PLEKHG1: variants seen among roughly 807,000 people sequenced by gnomAD.
The protein encoded by PLEKHG1 is pleckstrin homology and RhoGEF domain containing G1.
In PLEKHG1, 44 loss-of-function variants were observed where a neutral mutation model predicts 100.8. That is an observed-to-expected ratio of 0.44 (90% CI 0.34 to 0.56). The LOEUF is 0.56. Among genes scored for constraint, PLEKHG1 ranks in the 20% least tolerant of loss-of-function variants. PLEKHG1 has a pLI of 0.01. For missense variants in PLEKHG1, 1,545 were observed against 1,720.9 expected, an observed-to-expected ratio of 0.90 and a Z score of 1.81; for synonymous variants, 640 against 662.5, an observed-to-expected ratio of 0.97 and a Z score of 0.52.
chr6:150,768,596 A>T (rs368783746), intron 2 of PLEKHG1, 42 bp from the exon 4 acceptor site: 26 of 1,018,408 alleles, frequency 2.6e-5, no homozygotes, highest in Non-Finnish European at 3.9e-5. Flanking sequence ...TGACTTGGAA[A>T]GGACAGGAGT....
rs191739571 is a variant in PLEKHG1 at position 150,827,398 on chromosome 6, C to T, written c.1471-3184C>T. 2.8e-3 allele frequency among the ~76,000 whole-genome samples: 433 copies of T among 152,164 alleles called. 4 individuals are homozygous for T. The highest frequency in any genetic ancestry group is 9.7e-3 in the African/African-American group (404 of 41,516). ...GTTCAAGCGGTTCTCCTGCCTCAGC[C>T]TCCCAAGTAGCTGGGATTACAGGCA... On this transcript the variant is annotated intron_variant, in intron 14 of 15. Transcript: ENST00000358517.
In PLEKHG1 at chr6:150,701,417, T is replaced by TTTTATATA. The variant is rs1261404373; in HGVS notation, c.-98-32166_-98-32165insTTATATAT. Among the ~76,000 whole-genome samples the TTTTATATA allele has an allele frequency of 7.4e-4, 23 of 31,160 alleles. 1 individual carries two copies. Among genetic ancestry groups the TTTTATATA allele is most frequent in the South Asian group, 1.2e-3 (1 of 812 alleles). 20.4% of individuals were successfully genotyped at this position (31,160 alleles called of 152,430 possible). ...TTTGTAAAGAATAAGCAGTAATTCT[T>TTTTATATA]TATATATATATATATATATATATAT... is the stretch of plus-strand genomic sequence containing the variant. On this transcript the variant is annotated intron_variant, in intron 3 of 3. Coordinates refer to the PLEKHG1 transcript ENST00000367326.
chr6:150,724,932 A>C (rs753694263), intron 1 of PLEKHG1, among the ~76,000 whole-genome samples: 1 of 152,150 alleles, frequency 6.6e-6, no homozygotes, highest in African/African-American at 2.4e-5. Flanking sequence ...AATTTATCTA[A>C]TGCATTAGCT....
At chr6:150,720,513 A>T (rs907809158), upstream of PLEKHG1, among the ~76,000 whole-genome samples, 1 of 152,178 alleles carries the variant, frequency 6.6e-6, no homozygotes, top group Non-Finnish European at 1.5e-5. Context: ...GTCAGCCTTA[A>T]ATGTTTTCTC....
rs528751044 is a variant in PLEKHG1, at chr6:150,699,883, G to A, written c.-98-33701G>A. On this transcript the variant is annotated intron_variant, in intron 3 of 3. Transcript: ENST00000367326. Reference sequence around the variant, plus strand: ...AATTGTCTGATCGTCCTTCCCTTCTGAGGATAAAGACTGGCAATTATCCAT... The same window carrying A: ...AATTGTCTGATCGTCCTTCCCTTCTAAGGATAAAGACTGGCAATTATCCAT... 3.9e-5 allele frequency among the ~76,000 whole-genome samples: 6 copies of A among 152,254 alleles called. No individual in the cohort carries two copies. In the South Asian group the frequency reaches 8.3e-4, roughly 21 times the overall value.
intron 1 of PLEKHG1, among the ~76,000 whole-genome samples, chr6:150,621,829 T>G (rs1422405233): frequency 6.6e-6 from 1 of 152,216 alleles, no homozygotes; most frequent in African/African-American, 2.4e-5. Context: ...CTGTCATCAT[T>G]TGTGCTACAC....
At chr6:150,693,089 A>C (rs1780405364) in intron 3 of PLEKHG1, among the ~76,000 whole-genome samples, 1 of 152,122 alleles carries the variant, frequency 6.6e-6, no homozygotes, top group African/African-American at 2.4e-5. Flanking sequence ...GGAGTTCGAA[A>C]CCAGCCTGGC....
chr6:150,614,141 C>T (rs766150632), intron 1 of PLEKHG1, among the ~76,000 whole-genome samples: 1 of 152,158 alleles, frequency 6.6e-6, no homozygotes, highest in Non-Finnish European at 1.5e-5. Context: ...TAAAAGAAAA[C>T]CTACTTGACT....
intron 3 of PLEKHG1, among the ~76,000 whole-genome samples, chr6:150,678,739 A>C (rs1369121558): frequency 6.6e-6 from 1 of 152,230 alleles, no homozygotes; most frequent in Admixed American, 6.5e-5. Context: ...CAAATAACAA[A>C]GGCTTTGCTA....
At chr6:150,627,109 C>T (rs986553349) in intron 1 of PLEKHG1, among the ~76,000 whole-genome samples, 1 of 152,128 alleles carries the variant, frequency 6.6e-6, no homozygotes, top group African/African-American at 2.4e-5. Context: ...TGTGATACAA[C>T]AAGTTAAATC....
Position 150,740,773 on chromosome 6 carries a change from G to A in PLEKHG1, c.411+6681G>A, listed in dbSNP as rs545981908. 3.0e-4 allele frequency among the ~76,000 whole-genome samples: 45 copies of A among 152,210 alleles called. 1 individual carries two copies. The highest frequency in any genetic ancestry group is 1.0e-3 in the African/African-American group (42 of 41,532). On this transcript the variant is annotated intron_variant, in intron 2 of 15. Coordinates refer to ENST00000358517, the Ensembl canonical transcript of PLEKHG1. ...TTTTTTTCCTCCAAGGGATTTTATC[G>A]TAACGGGTGAATGAGATCTTTCTTA... is the stretch of plus-strand genomic sequence containing the variant.
chr6:150,726,096 G>A (rs879521371), intron 1 of PLEKHG1, among the ~76,000 whole-genome samples: 17 of 152,150 alleles, frequency 1.1e-4, no homozygotes, highest in African/African-American at 3.9e-4. Flanking sequence ...CTAGAGTGGT[G>A]CTTGCCAGGG....
chr6:150,740,233 A>G (rs919820380), intron 2 of PLEKHG1, among the ~76,000 whole-genome samples: 1 of 152,216 alleles, frequency 6.6e-6, no homozygotes, highest in Non-Finnish European at 1.5e-5. Flanking sequence ...AGTACTGTCA[A>G]GTGTGGAGGT....
At chr6:150,795,654 G>A (rs781022786) in intron 4 of PLEKHG1, among the ~76,000 whole-genome samples, 8 of 151,198 alleles carry the variant, frequency 5.3e-5, no homozygotes, top group African/African-American at 9.7e-5. Flanking sequence ...CCGGGGAGGC[G>A]GAGGTTGCAG....
Position 150,639,152 on chromosome 6 carries a change from G to A in PLEKHG1, c.-158+1027G>A, listed in dbSNP as rs573292840. On this transcript the variant is annotated intron_variant, in intron 2 of 3. Transcript: ENST00000367326. ...ATTTTCACTGTTGCTGCTGAGAACC[G>A]CTTGGCCCCAATCTCTGAGTACAGT... 3.3e-5 allele frequency among the ~76,000 whole-genome samples: 5 copies of A among 152,206 alleles called. No homozygotes were observed. In the East Asian group the frequency reaches 5.8e-4, roughly 18 times the overall value.
At chr6:150,658,153 T>C (rs1779041834) in intron 3 of PLEKHG1, among the ~76,000 whole-genome samples, 1 of 152,192 alleles carries the variant, frequency 6.6e-6, no homozygotes, top group South Asian at 2.1e-4. Flanking sequence ...AGTTGCATTG[T>C]CCAGGGTAGG....
chr6:150,735,844 T>G (rs1416810134), intron 2 of PLEKHG1, among the ~76,000 whole-genome samples: 1 of 152,202 alleles, frequency 6.6e-6, no homozygotes, highest in Non-Finnish European at 1.5e-5. Context: ...TCCATTAACA[T>G]TTATTTTTTC....
Position 150,839,816 on chromosome 6 carries a change from C to G in PLEKHG1, c.3095-17C>G. On this transcript the variant is annotated splice_polypyrimidine_tract_variant and intron_variant, in intron 15 of 15. Transcript: ENST00000358517. ...ATTATCCTGTGTGTATTTACTGTTTCAATATTTGCCTTCCAGGTGCCAGGA... is the reference window on the plus strand; with the variant it reads ...ATTATCCTGTGTGTATTTACTGTTTGAATATTTGCCTTCCAGGTGCCAGGA... 1 of 1,442,310 alleles carries G rather than the reference C, an allele frequency of 6.9e-7. No individual in the cohort carries two copies. Among genetic ancestry groups the G allele is most frequent in the Non-Finnish European group, 9.7e-7 (1 of 1,027,252 alleles). 89.3% of individuals were successfully genotyped at this position (1,442,310 alleles called of 1,614,324 possible).
chr6:150,813,600 A>C (rs1214883238), intron 10 of PLEKHG1, among the ~76,000 whole-genome samples: 1 of 152,138 alleles, frequency 6.6e-6, no homozygotes, highest in Admixed American at 6.5e-5. Flanking sequence ...GAGGAAAACC[A>C]GCTGGCGACA....
Sources: allele counts gnomAD v4.1 joint callset (sites outside exome capture counted in the v4.1 genomes callset), GRCh38; gene constraint gnomAD v4.1.1; transcripts MANE v1.5; gene names NCBI Gene and HGNC (gene_info 2026-07-23, HGNC 2026-07-21).